The following SNURF variants were observed in gnomAD, a reference collection of about 807,000 sequenced individuals.
The protein encoded by SNURF is SNRPN upstream open reading frame.
A neutral mutation model predicts 11.6 loss-of-function variants in SNURF; 6 were observed. That is an observed-to-expected ratio of 0.52 (90% CI 0.28 to 1.02). The LOEUF is 1.02. SNURF is among the 50% of genes least tolerant of loss of function. The pLI is 0.09. For missense variants in SNURF, 84 were observed against 88.4 expected (o/e 0.95, Z 0.20); for synonymous variants, 29 against 31.6 (o/e 0.92, Z 0.27).
downstream of SNURF, among the ~76,000 whole-genome samples, chr15:24,972,541 C>CTTTT (rs755600861): frequency 1.8e-5 from 2 of 112,218 alleles, no homozygotes; most frequent in African/African-American, 6.6e-5. Context: ...TTAGAGTATT[C>CTTTT]TTTTTTTTTT....
rs2077081577 is a variant in SNURF, at chr15:24,976,549, C to G, written c.*309+133C>G. The stretch of plus-strand genomic sequence containing the variant: ...ATAAAATGTGCCAGGCACTTAATAT[C>G]AATTGTTGGTTGCCTATGCTATTCG... On this transcript the variant is annotated intron_variant and NMD_transcript_variant, in intron 5 of 6. Transcript: ENST00000580062. 4.2e-6 allele frequency: 3 copies of G among 718,312 alleles called. No individual in the cohort carries two copies. In the East Asian group the frequency reaches 8.1e-5, roughly 19 times the overall value. 44.5% of individuals were successfully genotyped at this position (718,312 alleles called of 1,614,324 possible). A position where few individuals can be genotyped will look rare whatever the true frequency, so the allele number is the denominator to read the frequency against.
chr15:24,974,586 A>G (rs1596331581), intron 3 of SNURF: 5 of 880,876 alleles, frequency 5.7e-6, no homozygotes, highest in Middle Eastern at 4.3e-4. Context: ...ATGGATTCTC[A>G]TTGCATTGAG....
chr15:24,971,059 A>G (rs1437200222), downstream of SNURF, among the ~76,000 whole-genome samples: 2 of 150,750 alleles, frequency 1.3e-5, no homozygotes, highest in Non-Finnish European at 2.9e-5. Context: ...TTATTTTACT[A>G]TTTGCTATGT....
downstream of SNURF, among the ~76,000 whole-genome samples, chr15:24,970,963 C>CTGT (rs2076324550): frequency 1.3e-5 from 2 of 152,048 alleles, no homozygotes. Flanking sequence ...TGGAGACCCT[C>CTGT]TATAATTTTA....
intron 1 of SNURF, among the ~76,000 whole-genome samples, chr15:24,959,708 AGTAC>A (rs2074457048): frequency 6.6e-6 from 1 of 152,212 alleles, no homozygotes; most frequent in Non-Finnish European, 1.5e-5. Context: ...AGCACTGATC[AGTAC>A]TAAATTCCTT....
At chr15:24,978,073 T>A, downstream of SNURF, 1 of 1,222,338 alleles carries the variant, frequency 8.2e-7, no homozygotes, top group Non-Finnish European at 1.2e-6. Context: ...AATTGTCATA[T>A]AGAAGTTATT....
At chr15:24,971,545 A>G (rs572086166), downstream of SNURF, among the ~76,000 whole-genome samples, 811 of 151,504 alleles carry the variant, frequency 5.4e-3, 5 homozygotes, top group African/African-American at 0.019. Flanking sequence ...TATGATATAT[A>G]TATAAATATA....
chr15:24,976,209 T>C, intron 4 of SNURF: 2 of 911,884 alleles, frequency 2.2e-6, no homozygotes, highest in South Asian at 2.8e-5. Context: ...ATGTTTAGCA[T>C]CAGTTGTCTT....
At chr15:24,963,193 A>G (rs1050358649) in intron 2 of SNURF, among the ~76,000 whole-genome samples, 2 of 152,238 alleles carry the variant, frequency 1.3e-5, no homozygotes, top group African/African-American at 2.4e-5. Flanking sequence ...ATCAGTACAC[A>G]TAAATCTACC....
downstream of SNURF, among the ~76,000 whole-genome samples, chr15:24,968,575 T>C (rs2075994419): frequency 6.6e-6 from 1 of 152,172 alleles, no homozygotes; most frequent in African/African-American, 2.4e-5. Flanking sequence ...TTAGTATTCA[T>C]TGCTTTCGAA....
intron 6 of SNURF, among the ~76,000 whole-genome samples, chr15:24,977,402 G>T (rs1051958988): frequency 1.8e-4 from 28 of 152,264 alleles, no homozygotes; most frequent in Admixed American, 9.1e-4. Flanking sequence ...ACTTTGGGAG[G>T]CCGAGGTGGG....
downstream of SNURF, among the ~76,000 whole-genome samples, chr15:24,968,604 A>G (rs1281083677): frequency 2.0e-5 from 3 of 152,334 alleles, no homozygotes; most frequent in African/African-American, 7.2e-5. Flanking sequence ...GGCCAGTTAC[A>G]ACATACTTTC....
chr15:24,958,448 G>A (rs1309605767), intron 1 of SNURF, among the ~76,000 whole-genome samples: 2 of 137,900 alleles, frequency 1.5e-5, no homozygotes, highest in Non-Finnish European at 3.1e-5. Flanking sequence ...ACTACTTAAG[G>A]TAGCCTCTCT....
intron 2 of SNURF, among the ~76,000 whole-genome samples, chr15:24,964,176 T>G (rs1009757326): frequency 2.0e-5 from 3 of 152,232 alleles, no homozygotes; most frequent in Non-Finnish European, 4.4e-5. Flanking sequence ...TTTTTAAAAT[T>G]GCTTTGGAAG....
In SNURF at chr15:24,962,108, T is replaced by A; in HGVS notation, c.15-6T>A. 1.9e-6 allele frequency: 3 copies of A among 1,613,790 alleles called. No homozygotes were observed. The highest frequency in any genetic ancestry group is 2.5e-6 in the Non-Finnish European group (3 of 1,179,718). On this transcript the variant is annotated splice_region_variant and splice_polypyrimidine_tract_variant and intron_variant, in intron 1 of 2. Transcript: ENST00000577949. Reference sequence around the variant, plus strand: ...ACCAAACAAATGCCTCTCTTTTCTGTTTCAGGGATCGCTTACACCTGAGAC... The same window carrying A: ...ACCAAACAAATGCCTCTCTTTTCTGATTCAGGGATCGCTTACACCTGAGAC...
intron 1 of SNURF, among the ~76,000 whole-genome samples, chr15:24,960,079 A>G (rs1425613331): frequency 1.3e-5 from 2 of 152,126 alleles, no homozygotes; most frequent in Admixed American, 6.6e-5. Context: ...AGCCTGGCCA[A>G]CATGGTGAAA....
At chr15:24,958,693 G>C (rs1229449104) in intron 1 of SNURF, 5 of 152,064 alleles carry the variant, frequency 3.3e-5, no homozygotes, top group African/African-American at 9.7e-5. Flanking sequence ...TATTCATGGG[G>C]TACAGATTAG....
chr15:24,964,198 G>T (rs1292291382), intron 2 of SNURF, among the ~76,000 whole-genome samples: 1 of 151,898 alleles, frequency 6.6e-6, no homozygotes, highest in Non-Finnish European at 1.5e-5. Context: ...CGTATTTTAT[G>T]TACGTTTTGT....
chr15:24,967,988 A>G, exon 3 of SNURF: 1 of 1,614,120 alleles, frequency 6.2e-7, no homozygotes, highest in Non-Finnish European at 8.5e-7. Context: ...GTGGATTTCC[A>G]GGCTGAACTG....
Sources: allele counts gnomAD v4.1 joint callset (sites outside exome capture counted in the v4.1 genomes callset), GRCh38; gene constraint gnomAD v4.1.1; transcripts MANE v1.5; gene names NCBI Gene and HGNC (gene_info 2026-07-23, HGNC 2026-07-21).